The following CTNNBIP1 variants were observed in gnomAD, a reference collection of about 807,000 sequenced individuals.
CTNNBIP1 encodes the protein beta-catenin-interacting protein 1.
In CTNNBIP1, 7 loss-of-function variants were observed where a neutral mutation model predicts 11.8. The ratio of observed to expected loss-of-function variants is 0.60; its 90% CI spans 0.34 to 1.12. CTNNBIP1 has a LOEUF of 1.12. Among genes scored for constraint, CTNNBIP1 ranks in the 50% most tolerant of loss-of-function variants. The pLI is 0.03. For missense variants in CTNNBIP1, 101 were observed against 113.4 expected (o/e 0.89, Z 0.50); for synonymous variants, 58 against 43.9 (o/e 1.32, Z -1.26).
Position 9,871,372 on chromosome 1 carries a change from C to T in CTNNBIP1, c.97-95G>A. The T allele has an allele frequency of 1.1e-6, 1 of 902,952 alleles. No individual in the cohort carries two copies. Among genetic ancestry groups the T allele is most frequent in the Non-Finnish European group, 1.7e-6 (1 of 575,140 alleles). 55.9% of individuals were successfully genotyped at this position (902,952 alleles called of 1,614,324 possible). A position where few individuals can be genotyped will look rare whatever the true frequency, so the allele number is the denominator to read the frequency against. ...AGGCACCGCCTAGGCCTGCTTGGTC[C>T]CTGCTTGGTCCCTGCTCGGGCTTCT... On this transcript the variant is annotated intron_variant, in intron 4 of 5. Transcript: ENST00000377263. This position sits in a 1 kb window ranked among gnomAD's most constrained non-coding sequence, Gnocchi z 5.2.
intron 5 of CTNNBIP1, among the ~76,000 whole-genome samples, chr1:9,858,651 C>CA (rs1314104169): frequency 6.6e-6 from 1 of 152,238 alleles, no homozygotes; most frequent in African/African-American, 2.4e-5. Context: ...TCAGCACCCT[C>CA]AGTGCTACCC....
chr1:9,857,898 A>G lies in CTNNBIP1; in HGVS notation c.188-7122T>C, dbSNP rs149211540. ...AGACAGATGAGAACAAGTGTTGGCC[A>G]GGTTGTGGAGCAATTGGAACCCTCA... is the stretch of plus-strand genomic sequence containing the variant. On this transcript the variant is annotated intron_variant, in intron 5 of 5. Transcript: ENST00000377263. Among the ~76,000 whole-genome samples the G allele has an allele frequency of 3.3e-5, 5 of 152,372 alleles. No individual in the cohort carries two copies. The East Asian group carries it at 9.6e-4, about 29-fold the overall frequency.
At chr1:9,879,498 G>A (rs369860527) in intron 2 of CTNNBIP1, among the ~76,000 whole-genome samples, 4 of 152,142 alleles carry the variant, frequency 2.6e-5, no homozygotes, top group African/African-American at 9.7e-5. Context: ...TCTGTTCTGT[G>A]TGTCCCTTTA....
intron 3 of CTNNBIP1, among the ~76,000 whole-genome samples, chr1:9,876,828 C>T (rs929761573): frequency 2.1e-5 from 3 of 145,456 alleles, no homozygotes; most frequent in African/African-American, 7.7e-5. Context: ...GACACAGAGA[C>T]ACACTCCTGC....
At position 9,852,191 on chromosome 1, in the gene CTNNBIP1, C is replaced by T. The variant is rs527931598; in HGVS notation, c.188-1415G>A. Among the ~76,000 whole-genome samples the T allele has an allele frequency of 2.6e-5, 4 of 152,236 alleles. No individual in the cohort carries two copies. In the South Asian group the frequency reaches 6.2e-4, roughly 24 times the overall value. On this transcript the variant is annotated intron_variant, in intron 5 of 5. Coordinates refer to ENST00000377263, the MANE Select transcript of CTNNBIP1 (RefSeq NM_020248.3). ...CAGTGAGCCGGGTCTCCCCCACAGCCGGCATGTGCTGACCTCCTTCCAACT... is the reference window on the plus strand; with the variant it reads ...CAGTGAGCCGGGTCTCCCCCACAGCTGGCATGTGCTGACCTCCTTCCAACT...
At chr1:9,870,798 C>T (rs1638844788) in intron 5 of CTNNBIP1, among the ~76,000 whole-genome samples, 1 of 152,194 alleles carries the variant, frequency 6.6e-6, no homozygotes, top group African/African-American at 2.4e-5. Context: ...TGTTCTAGCA[C>T]ACAAGGGCAG....
chr1:9,905,560 C>G (rs1353603051), intron 1 of CTNNBIP1, among the ~76,000 whole-genome samples: 1 of 151,850 alleles, frequency 6.6e-6, no homozygotes, highest in Non-Finnish European at 1.5e-5. Context: ...GTAGCTGGGA[C>G]TACAGGCGCC....
intron 1 of CTNNBIP1, among the ~76,000 whole-genome samples, chr1:9,890,381 G>T (rs562328769): frequency 6.6e-6 from 1 of 152,146 alleles, no homozygotes; most frequent in African/African-American, 2.4e-5. Context: ...ACAGTGGGGG[G>T]ACAAGGACAG....
At chr1:9,856,533 GA>G (rs1638506304) in intron 5 of CTNNBIP1, among the ~76,000 whole-genome samples, 1 of 137,462 alleles carries the variant, frequency 7.3e-6, no homozygotes, top group Non-Finnish European at 1.5e-5. Flanking sequence ...TTTTTTTTGA[GA>G]GGGAGTCTCG....
At chr1:9,863,755 AG>A (rs1254173073) in intron 5 of CTNNBIP1, among the ~76,000 whole-genome samples, 4 of 152,204 alleles carry the variant, frequency 2.6e-5, no homozygotes, top group Non-Finnish European at 4.4e-5. Flanking sequence ...GGCTTCATGA[AG>A]GAAGTGAAAG....
chr1:9,859,341 A>G (rs1638575604), intron 5 of CTNNBIP1, among the ~76,000 whole-genome samples: 2 of 152,102 alleles, frequency 1.3e-5, no homozygotes. Context: ...TTGACTGGGG[A>G]GAAAAAATGA....
rs192064932 is a variant in CTNNBIP1, at chr1:9,849,542, A to G, written c.*1176T>C. 7 of 152,384 alleles carry G rather than the reference A, an allele frequency of 4.6e-5. No homozygotes were observed. Among genetic ancestry groups the G allele is most frequent in the African/African-American group, 1.2e-4 (5 of 41,568 alleles). 9.4% of individuals were successfully genotyped at this position (152,384 alleles called of 1,614,324 possible). A position where few individuals can be genotyped will look rare whatever the true frequency, so the allele number is the denominator to read the frequency against. On this transcript the variant is annotated 3_prime_UTR_variant, in exon 6 of 6. Coordinates refer to ENST00000377263, the MANE Select transcript of CTNNBIP1 (RefSeq NM_020248.3). Reference sequence around the variant, plus strand: ...GGAGGTCTCCTGGGCCTTGTGAGCCAAGCTGGGGCTTTTATGTGGGTTCTG... The same window carrying G: ...GGAGGTCTCCTGGGCCTTGTGAGCCGAGCTGGGGCTTTTATGTGGGTTCTG...
chr1:9,876,845 T>TACACACAC (rs34192085), intron 3 of CTNNBIP1, among the ~76,000 whole-genome samples: 3,580 of 138,142 alleles, frequency 0.026, 41 homozygotes, highest in Non-Finnish European at 0.029. Context: ...CTGCTATACA[T>TACACACAC]ACACACACAC....
intron 1 of CTNNBIP1, among the ~76,000 whole-genome samples, chr1:9,907,156 G>GT (rs1389360269): frequency 2.0e-5 from 3 of 152,014 alleles, no homozygotes; most frequent in South Asian, 2.1e-4. Context: ...GTTTTATTCT[G>GT]TTTTTTGGGG....
intron 5 of CTNNBIP1, among the ~76,000 whole-genome samples, chr1:9,863,448 T>G (rs1407852948): frequency 1.3e-5 from 2 of 152,148 alleles, no homozygotes; most frequent in Non-Finnish European, 2.9e-5. Flanking sequence ...CCAAGCCACA[T>G]GCGGGGAGAG....
intron 1 of CTNNBIP1, among the ~76,000 whole-genome samples, chr1:9,903,622 G>T (rs1043585773): frequency 1.3e-5 from 2 of 152,136 alleles, no homozygotes; most frequent in African/African-American, 4.8e-5. Context: ...AAAGCACTTT[G>T]GCTCAAACAC....
At chr1:9,854,489 GATT>G (rs766851023) in intron 5 of CTNNBIP1, among the ~76,000 whole-genome samples, 21 of 151,684 alleles carry the variant, frequency 1.4e-4, no homozygotes, top group Non-Finnish European at 2.1e-4. Flanking sequence ...TCCCTACCAA[GATT>G]ATGAACAAGA....
intron 5 of CTNNBIP1, among the ~76,000 whole-genome samples, chr1:9,858,100 T>C (rs1476756560): frequency 6.6e-6 from 1 of 152,164 alleles, no homozygotes; most frequent in African/African-American, 2.4e-5. Flanking sequence ...CAAATCCCAT[T>C]GACTCTACTT....
intron 1 of CTNNBIP1, among the ~76,000 whole-genome samples, chr1:9,889,223 A>G (rs1438045210): frequency 6.6e-6 from 1 of 152,216 alleles, no homozygotes; most frequent in Non-Finnish European, 1.5e-5. Flanking sequence ...GCACTGAGGC[A>G]GGCGGTCAGA....
Sources: gnomAD v4.1 joint callset for allele counts (sites outside exome capture counted in the v4.1 genomes callset) on GRCh38, gnomAD v4.1.1 for gene constraint, Gnocchi (gnomAD v3.1) non-coding constraint, MANE v1.5 for transcripts, NCBI Gene and HGNC (gene_info 2026-07-23, HGNC 2026-07-21) for gene names.